Variants in ANK3 observed in about 807,000 individuals in gnomAD.
The protein encoded by ANK3 is ankyrin 3.
A neutral mutation model predicts 370.9 loss-of-function variants in ANK3; 57 were observed. The ratio of observed to expected loss-of-function variants is 0.15; its 90% CI spans 0.12 to 0.19. The LOEUF (loss-of-function observed/expected upper bound fraction) is 0.19, where lower values mean the gene tolerates loss of function less well. Ranked by LOEUF, ANK3 falls within the 10% of genes least tolerant of loss-of-function variation. ANK3 has a pLI of 1.00. For missense variants in ANK3, 4,439 were observed against 5,302.1 expected, an observed-to-expected ratio of 0.84 and a Z score of 5.06; for synonymous variants, 1,929 against 1,946.3, an observed-to-expected ratio of 0.99 and a Z score of 0.23.
chr10:60,084,467 A>G (rs2086167381), intron 32 of ANK3, 135 bp downstream of exon 32: 1 of 506,544 alleles, frequency 2.0e-6, no homozygotes, highest in Non-Finnish European at 3.3e-6. Context: ...GTATTAATCT[A>G]TATCAAATTT....
intron 1 of ANK3, among the ~76,000 whole-genome samples, chr10:60,310,770 A>G (rs2046175887): frequency 1.3e-5 from 2 of 152,208 alleles, no homozygotes; most frequent in Admixed American, 1.3e-4. Context: ...CTACTGAAAT[A>G]ATTTTTTTCC....
intron 2 of ANK3, among the ~76,000 whole-genome samples, chr10:60,502,958 G>A (rs2133147473): frequency 6.6e-6 from 1 of 151,654 alleles, no homozygotes. Flanking sequence ...AGTAAAGAAG[G>A]AAGGAAGGGC....
chr10:60,406,483 C>A (rs1371302829), intron 2 of ANK3, among the ~76,000 whole-genome samples: 2 of 152,204 alleles, frequency 1.3e-5, no homozygotes, highest in Admixed American at 1.3e-4. Flanking sequence ...GGCAAGCGAT[C>A]TAGATCCCTC....
chr10:60,036,745 T>C (rs1353218391), intron 43 of ANK3, among the ~76,000 whole-genome samples: 1 of 152,074 alleles, frequency 6.6e-6, no homozygotes, highest in African/African-American at 2.4e-5. Flanking sequence ...TGAGGAAATT[T>C]TTTTAAACTC....
chr10:60,413,097 T>C (rs2063592127), intron 2 of ANK3, among the ~76,000 whole-genome samples: 1 of 152,262 alleles, frequency 6.6e-6, no homozygotes, highest in Non-Finnish European at 1.5e-5. Context: ...ATCACCTTTC[T>C]ATGACACTAA....
intron 1 of ANK3, among the ~76,000 whole-genome samples, chr10:60,281,206 G>A (rs531648910): frequency 1.7e-4 from 26 of 152,220 alleles, no homozygotes; most frequent in African/African-American, 6.0e-4. Context: ...TTACAGTAAT[G>A]AGCCTCTCTC....
At chr10:60,142,671 A>C (rs2094619996) in intron 23 of ANK3, among the ~76,000 whole-genome samples, 1 of 152,112 alleles carries the variant, frequency 6.6e-6, no homozygotes, top group Non-Finnish European at 1.5e-5. Context: ...TCACTATGAA[A>C]CAAAAAGAAG....
chr10:60,242,423 G>A (rs999901299), intron 7 of ANK3, among the ~76,000 whole-genome samples: 1 of 152,076 alleles, frequency 6.6e-6, no homozygotes, highest in Non-Finnish European at 1.5e-5. Flanking sequence ...ACTTTTTACA[G>A]TACTTCCTAA....
chr10:60,241,001 A>T (rs1239460003), intron 7 of ANK3, among the ~76,000 whole-genome samples: 1 of 152,204 alleles, frequency 6.6e-6, no homozygotes, highest in East Asian at 1.9e-4. Flanking sequence ...TACAGTGGAA[A>T]GATGGTTGTA....
chr10:60,043,722 C>G (rs911027243), intron 42 of ANK3: 12 of 985,464 alleles, frequency 1.2e-5, no homozygotes, highest in Non-Finnish European at 1.3e-5. Flanking sequence ...CCTGTCCCAA[C>G]AGACACTCTG....
At chr10:60,683,334 C>A (rs1393328858) in intron 1 of ANK3, among the ~76,000 whole-genome samples, 1 of 152,146 alleles carries the variant, frequency 6.6e-6, no homozygotes, top group Non-Finnish European at 1.5e-5. Flanking sequence ...ATATCTGGTA[C>A]AGTTATCAAC....
At chr10:60,426,250 T>A (rs1239081251) in intron 2 of ANK3, among the ~76,000 whole-genome samples, 1 of 152,070 alleles carries the variant, frequency 6.6e-6, no homozygotes, top group Non-Finnish European at 1.5e-5. Flanking sequence ...CTTTTCATCA[T>A]AAGCTGATTG....
Position 60,069,111 on chromosome 10 carries a change from T to G in ANK3, c.11770A>C (p.Ile3924Leu). The change falls in exon 37 of 44, where the codon ATT (isoleucine) becomes CTT (leucine). Residue 3924 changes from isoleucine (I) to leucine (L), a missense_variant. Ile to Leu is a conservative substitution (Grantham distance 5). This residue lies in a region of ANK3 where 496 missense variants were observed against 529.3 expected (regional missense o/e 0.94). Coordinates refer to ENST00000280772, the MANE Select transcript of ANK3 (RefSeq NM_020987.5). ...GTGGCACATGCTTTTCTAACTGCAATTATGTTATCCCTGTGTGTGTTTTTC... is the reference window on the plus strand; with the variant it reads ...GTGGCACATGCTTTTCTAACTGCAAGTATGTTATCCCTGTGTGTGTTTTTC... ...PVKNTHRDNI[I>L]AVRKACATQK... 6.2e-7 allele frequency: 1 copy of G among 1,614,160 alleles called. No homozygotes were observed. Among genetic ancestry groups the G allele is most frequent in the Non-Finnish European group, 8.5e-7 (1 of 1,180,010 alleles).
intron 7 of ANK3, among the ~76,000 whole-genome samples, chr10:60,238,866 C>T (rs894464485): frequency 1.1e-4 from 16 of 151,870 alleles, no homozygotes; most frequent in African/African-American, 3.6e-4. Context: ...TCAATCTCTC[C>T]CCTCCTACAC....
intron 1 of ANK3, among the ~76,000 whole-genome samples, chr10:60,655,008 CTTACTCACAA>C (rs2078844113): frequency 6.6e-6 from 1 of 152,128 alleles, no homozygotes; most frequent in Admixed American, 6.6e-5. Flanking sequence ...AGTGCAACAC[CTTACTCACAA>C]TTACTCACAT....
chr10:60,074,173 T>G lies in ANK3; in HGVS notation c.6708A>C (p.Lys2236Asn). 1 of 1,614,112 alleles carries G rather than the reference T, an allele frequency of 6.2e-7. No individual in the cohort carries two copies. The highest frequency in any genetic ancestry group is 8.5e-7 in the Non-Finnish European group (1 of 1,179,990). ...EEDDHNRVLS[K>N]GMRVKEETHI... ...GAGTCTCTTCTTTAACACGCATGCCTTTGCTTAAAACCCGATTGTGGTCAT... is the reference window on the plus strand; with the variant it reads ...GAGTCTCTTCTTTAACACGCATGCCGTTGCTTAAAACCCGATTGTGGTCAT... Residue 2236 changes from lysine to asparagine, a missense_variant, in exon 37 of 44, where the codon AAA (lysine) becomes AAC (asparagine). Physicochemically the swap from Lys to Asn is moderately conservative, Grantham distance 94. Transcript: ENST00000280772.
At position 60,542,208 on chromosome 10, in the gene ANK3, TA is replaced by T. The variant is rs997984830; in HGVS notation, c.96+72977del. ...CATTTGATGGTACTTCCAAAAAATA[TA>T]AAAAAATTATATATATGTGAGTCCT... On this transcript the variant is annotated intron_variant, in intron 2 of 43. Coordinates refer to the ANK3 transcript ENST00000373827. Among the ~76,000 whole-genome samples the T allele has an allele frequency of 5.9e-5, 9 of 151,886 alleles. No individual in the cohort carries two copies. The East Asian group carries it at 7.7e-4, about 13-fold the overall frequency.
intron 1 of ANK3, among the ~76,000 whole-genome samples, chr10:60,683,003 G>A (rs1045053518): frequency 1.4e-4 from 22 of 152,072 alleles, no homozygotes; most frequent in Admixed American, 1.4e-3. Context: ...GGTCTTGTGG[G>A]ACTAAGCCCT....
intron 1 of ANK3, among the ~76,000 whole-genome samples, chr10:60,696,324 C>T (rs1284535572): frequency 6.7e-6 from 1 of 148,900 alleles, no homozygotes; most frequent in Non-Finnish European, 1.5e-5. Context: ...ACCAGAGGTA[C>T]AAGGAGGAGC....
Sources: gnomAD v4.1 joint callset for allele counts (sites outside exome capture counted in the v4.1 genomes callset) on GRCh38, gnomAD v4.1.1 for gene constraint, gnomAD v4.1.1 regional missense constraint, MANE v1.5 for transcripts, NCBI Gene and HGNC (gene_info 2026-07-23, HGNC 2026-07-21) for gene names.